Variants in DPP6 observed in about 807,000 individuals in gnomAD.
The protein encoded by DPP6 is dipeptidyl peptidase like 6.
A neutral mutation model predicts 122.6 loss-of-function variants in DPP6; 69 were observed. The ratio of observed to expected loss-of-function variants is 0.56; its 90% CI spans 0.46 to 0.69. DPP6 has a LOEUF of 0.69. Ranked by LOEUF, DPP6 falls within the 30% of genes least tolerant of loss-of-function variation. The pLI is 0.00. For missense variants in DPP6, 928 were observed against 1,116.9 expected (o/e 0.83, Z 2.41); for synonymous variants, 418 against 433.1 (o/e 0.97, Z 0.43).
Position 154,519,083 on chromosome 7 carries a change from C to T in DPP6, c.458-21449C>T, listed in dbSNP as rs118036969. Among the ~76,000 whole-genome samples, 1,260 of 152,258 alleles carry T rather than the reference C, an allele frequency of 8.3e-3. 5 individuals are homozygous for T. The highest frequency in any genetic ancestry group is 0.014 in the Non-Finnish European group (945 of 68,006). On this transcript the variant is annotated intron_variant, in intron 3 of 25. Transcript: ENST00000377770. ...CCACTCGGAGCTTAGAGTGATAACCCGGTTATCCTGCAGCTTTCAGATGAT... is the reference window on the plus strand; with the variant it reads ...CCACTCGGAGCTTAGAGTGATAACCTGGTTATCCTGCAGCTTTCAGATGAT...
At chr7:153,888,062 A>AC (rs1799016770) in intron 1 of DPP6, among the ~76,000 whole-genome samples, 1 of 151,866 alleles carries the variant, frequency 6.6e-6, no homozygotes, top group Non-Finnish European at 1.5e-5. Context: ...CCCCAAGCAG[A>AC]CCCCCAGGGC....
At chr7:153,884,915 G>C (rs1798850282), upstream of DPP6, among the ~76,000 whole-genome samples, 1 of 150,682 alleles carries the variant, frequency 6.6e-6, no homozygotes. Context: ...GGGAGGCGGA[G>C]GTTGCAGTGA....
intron 1 of DPP6, among the ~76,000 whole-genome samples, chr7:154,392,068 G>T (rs1442510563): frequency 6.6e-6 from 1 of 152,196 alleles, no homozygotes. Flanking sequence ...GAGCTCAGGA[G>T]TTCGAGACCA....
intron 5 of DPP6, among the ~76,000 whole-genome samples, chr7:154,637,272 T>C (rs900872063): frequency 6.6e-6 from 1 of 152,226 alleles, no homozygotes; most frequent in Non-Finnish European, 1.5e-5. Flanking sequence ...CTGCCCTTTT[T>C]TCAGTAAGTT....
rs1388469116 is a variant in DPP6 at position 154,653,913 on chromosome 7, C to T, written c.681-15447C>T. Reference sequence around the variant, plus strand: ...TGTGACTGTGTTTACTACGGTCAGCCCTCCATATCCATGGGTTCTGTATCT... The same window carrying T: ...TGTGACTGTGTTTACTACGGTCAGCTCTCCATATCCATGGGTTCTGTATCT... On this transcript the variant is annotated intron_variant, in intron 6 of 25. Coordinates refer to ENST00000377770, the MANE Select transcript of DPP6 (RefSeq NM_130797.4). Among the ~76,000 whole-genome samples, 9 of 152,012 alleles carry T rather than the reference C, an allele frequency of 5.9e-5. No homozygotes were observed. In the East Asian group the frequency reaches 1.7e-3, roughly 29 times the overall value.
chr7:153,840,234 C>T, the DPP6 span, among the ~76,000 whole-genome samples: 1 of 151,998 alleles, frequency 6.6e-6, no homozygotes, highest in South Asian at 2.1e-4. Flanking sequence ...TTACTAATTG[C>T]ATTAAAATAT....
chr7:154,281,138 A>G (rs980502936), intron 1 of DPP6, among the ~76,000 whole-genome samples: 4 of 151,736 alleles, frequency 2.6e-5, no homozygotes, highest in Non-Finnish European at 5.9e-5. Flanking sequence ...TCAGCTTCCC[A>G]AGGAGCTGGG....
intron 3 of DPP6, among the ~76,000 whole-genome samples, chr7:154,494,705 G>T (rs374117669): frequency 3.3e-5 from 5 of 152,046 alleles, no homozygotes; most frequent in Admixed American, 3.3e-4. Context: ...GAGAAAAGAC[G>T]CTGAGTACTT....
At chr7:154,592,972 G>C (rs1832892149) in intron 5 of DPP6, among the ~76,000 whole-genome samples, 1 of 152,124 alleles carries the variant, frequency 6.6e-6, no homozygotes, top group Non-Finnish European at 1.5e-5. Flanking sequence ...GAAACACCTG[G>C]TAATCCTTGC....
At chr7:154,506,475 G>T (rs965837427) in intron 3 of DPP6, among the ~76,000 whole-genome samples, 11 of 152,020 alleles carry the variant, frequency 7.2e-5, no homozygotes, top group Non-Finnish European at 1.5e-4. Context: ...ATCTTAAAAA[G>T]AATCACATTG....
chr7:154,305,011 G>A (rs1806167331), intron 1 of DPP6: 1 of 151,068 alleles, frequency 6.6e-6, no homozygotes, highest in Non-Finnish European at 1.4e-5. Context: ...CTGCCTCCGC[G>A]GCCCCCTCCC....
chr7:154,439,042 G>A (rs1237117400), intron 1 of DPP6, among the ~76,000 whole-genome samples: 1 of 152,198 alleles, frequency 6.6e-6, no homozygotes, highest in African/African-American at 2.4e-5. Context: ...AGGGTGGCAA[G>A]CCCTTTTTAA....
chr7:154,559,279 A>G (rs1318150170), intron 4 of DPP6, among the ~76,000 whole-genome samples: 1 of 148,880 alleles, frequency 6.7e-6, no homozygotes, highest in Non-Finnish European at 1.5e-5. Flanking sequence ...AGAAGAAAAA[A>G]AAAAAACCCC....
chr7:154,286,647 G>T (rs1455221635), intron 1 of DPP6, among the ~76,000 whole-genome samples: 13 of 152,170 alleles, frequency 8.5e-5, no homozygotes, highest in Non-Finnish European at 4.4e-5. Flanking sequence ...TTCCTCTCCA[G>T]GGCCATGGAG....
rs955250357 is a variant in DPP6, at chr7:154,253,632, C to CATG, written c.244-192568_244-192566dup. 9.9e-5 allele frequency among the ~76,000 whole-genome samples: 15 copies of CATG among 151,940 alleles called. 1 individual carries two copies. Among genetic ancestry groups the CATG allele is most frequent in the Admixed American group, 6.6e-4 (10 of 15,264 alleles). On this transcript the variant is annotated intron_variant, in intron 1 of 25. Coordinates refer to ENST00000377770, the MANE Select transcript of DPP6 (RefSeq NM_130797.4). ...ATATGGTATAAACCATACTGGTAAA[C>CATG]ATGATGATGATGATGAAGATAATGA...
intron 12 of DPP6, among the ~76,000 whole-genome samples, chr7:154,800,931 G>T (rs918208435): frequency 2.6e-5 from 4 of 152,220 alleles, no homozygotes; most frequent in African/African-American, 9.6e-5. Flanking sequence ...GTTTTTTTCT[G>T]ATATATAATA....
At chr7:154,022,961 A>G (rs1034123151) in intron 1 of DPP6, among the ~76,000 whole-genome samples, 1 of 152,168 alleles carries the variant, frequency 6.6e-6, no homozygotes. Context: ...CTTCTAATCC[A>G]AGGGTCAGTA....
At chr7:154,291,297 A>G (rs974983646) in intron 1 of DPP6, among the ~76,000 whole-genome samples, 7 of 152,158 alleles carry the variant, frequency 4.6e-5, no homozygotes, top group African/African-American at 1.2e-4. Flanking sequence ...GCAGGCTCAG[A>G]TTGGTTTCAT....
At chr7:153,954,424 G>A (rs1342458156) in intron 1 of DPP6, among the ~76,000 whole-genome samples, 1 of 152,122 alleles carries the variant, frequency 6.6e-6, no homozygotes, top group Non-Finnish European at 1.5e-5. Flanking sequence ...AGGACTCTAA[G>A]CTCCTGAATA....
Sources: allele counts gnomAD v4.1 joint callset (sites outside exome capture counted in the v4.1 genomes callset), GRCh38; gene constraint gnomAD v4.1.1; transcripts MANE v1.5; gene names NCBI Gene and HGNC (gene_info 2026-07-23, HGNC 2026-07-21).